NALCN: variants seen among roughly 807,000 people sequenced by gnomAD.
NALCN encodes the protein sodium leak channel, non-selective.
NALCN carries 111 observed loss-of-function variants against 225.3 expected under a neutral mutation model. The ratio of observed to expected loss-of-function variants is 0.49; its 90% CI spans 0.42 to 0.58. The LOEUF is 0.58. NALCN is among the 20% of genes least tolerant of loss of function. NALCN has a pLI of 0.00. For missense variants in NALCN, 1,378 were observed against 2,202.4 expected (o/e 0.63, Z 7.49); for synonymous variants, 764 against 769.0 (o/e 0.99, Z 0.11).
intron 17 of NALCN, among the ~76,000 whole-genome samples, chr13:101,134,186 A>C (rs1202521248): frequency 1.4e-5 from 2 of 144,156 alleles, no homozygotes; most frequent in Non-Finnish European, 3.2e-5. Context: ...ACAAACAAAC[A>C]AAAAAAAAGA....
intron 15 of NALCN, among the ~76,000 whole-genome samples, chr13:101,163,788 T>G (rs1270345252): frequency 6.6e-6 from 1 of 152,056 alleles, no homozygotes; most frequent in Non-Finnish European, 1.5e-5. Context: ...TCCAAAAAAC[T>G]GGGTGGCTGA....
intron 14 of NALCN, among the ~76,000 whole-genome samples, chr13:101,190,196 G>A (rs2039627127): frequency 6.6e-6 from 1 of 152,054 alleles, no homozygotes; most frequent in Admixed American, 6.6e-5. Context: ...AAACCATTTT[G>A]TTGCTTTATT....
intron 6 of NALCN, among the ~76,000 whole-genome samples, chr13:101,372,530 C>G (rs1050492477): frequency 6.6e-6 from 1 of 152,112 alleles, no homozygotes; most frequent in African/African-American, 2.4e-5. Flanking sequence ...TAAAATTATG[C>G]ACCCAAATAA....
intron 13 of NALCN, among the ~76,000 whole-genome samples, chr13:101,200,095 A>G (rs1446913768): frequency 2.0e-5 from 3 of 152,000 alleles, no homozygotes; most frequent in Non-Finnish European, 2.9e-5. Context: ...GATGACTTCC[A>G]CAGTTATATT....
At chr13:101,318,021 C>T (rs1287922352) in intron 7 of NALCN, among the ~76,000 whole-genome samples, 1 of 152,126 alleles carries the variant, frequency 6.6e-6, no homozygotes, top group African/African-American at 2.4e-5. Context: ...TACAGATATA[C>T]TTGCTCAACT....
At chr13:101,262,668 G>A (rs1594555057) in intron 10 of NALCN, among the ~76,000 whole-genome samples, 1 of 152,010 alleles carries the variant, frequency 6.6e-6, no homozygotes, top group Admixed American at 6.6e-5. Flanking sequence ...ACTAAAATGG[G>A]GTAAGAGAAC....
At position 101,080,610 on chromosome 13, in the gene NALCN, TAATC is replaced by T. The variant is rs201557438; in HGVS notation, c.3885+913_3885+916del. 1.5e-4 allele frequency among the ~76,000 whole-genome samples: 19 copies of T among 126,238 alleles called. No homozygotes were observed. In the South Asian group the frequency reaches 2.0e-3, roughly 13 times the overall value. The allele number at this position is 126,238 out of a possible 152,430, so 82.8% of individuals were successfully genotyped here. A position where few individuals can be genotyped will look rare whatever the true frequency, so the allele number is the denominator to read the frequency against. ...TTAAATAATTATTAAATTAATTATA[TAATC>T]AATTAAATTAATTATTTAATTAAAT... is the stretch of plus-strand genomic sequence containing the variant. On this transcript the variant is annotated intron_variant, in intron 34 of 43. Coordinates refer to ENST00000251127, the MANE Select transcript of NALCN (RefSeq NM_052867.4).
At chr13:101,154,135 C>T (rs2037788487) in intron 15 of NALCN, among the ~76,000 whole-genome samples, 1 of 152,178 alleles carries the variant, frequency 6.6e-6, no homozygotes, top group Non-Finnish European at 1.5e-5. Context: ...TTATTTAACC[C>T]TAAAAATTAG....
At chr13:101,372,610 A>G (rs2046571511) in intron 6 of NALCN, among the ~76,000 whole-genome samples, 1 of 152,178 alleles carries the variant, frequency 6.6e-6, no homozygotes, top group Non-Finnish European at 1.5e-5. Context: ...GAGAAATCAC[A>G]TATATTAGAA....
chr13:101,340,806 G>A (rs563478151), intron 7 of NALCN, among the ~76,000 whole-genome samples: 2 of 152,192 alleles, frequency 1.3e-5, no homozygotes, highest in South Asian at 4.2e-4. Context: ...AAAATATACT[G>A]TTTGTTACTT....
chr13:101,118,907 C>T (rs2139677529), intron 18 of NALCN, among the ~76,000 whole-genome samples: 1 of 152,294 alleles, frequency 6.6e-6, no homozygotes, highest in East Asian at 1.9e-4. Context: ...GGTACTCAGG[C>T]CCTCCCAGCA....
At chr13:101,355,972 G>C (rs2046046370) in intron 6 of NALCN, among the ~76,000 whole-genome samples, 1 of 152,096 alleles carries the variant, frequency 6.6e-6, no homozygotes, top group African/African-American at 2.4e-5. Context: ...TGAAGTTAAG[G>C]CACAAATCAA....
intron 40 of NALCN, among the ~76,000 whole-genome samples, chr13:101,065,081 A>T (rs997687323): frequency 5.3e-5 from 8 of 152,134 alleles, no homozygotes; most frequent in Admixed American, 5.2e-4. Flanking sequence ...CAGTTCCCGC[A>T]TCACAGGGAA....
intron 10 of NALCN, among the ~76,000 whole-genome samples, chr13:101,263,261 T>G (rs1348314724): frequency 6.6e-6 from 1 of 152,210 alleles, no homozygotes; most frequent in Non-Finnish European, 1.5e-5. Flanking sequence ...TCAACATGTT[T>G]ATATGCACAT....
chr13:101,394,322 T>C (rs1263966287), intron 3 of NALCN, among the ~76,000 whole-genome samples: 1 of 152,230 alleles, frequency 6.6e-6, no homozygotes, highest in Non-Finnish European at 1.5e-5. Flanking sequence ...TTATGTGTTA[T>C]ATATTGTCTC....
chr13:101,117,651 G>GT (rs1327816886), intron 18 of NALCN, among the ~76,000 whole-genome samples: 1 of 152,150 alleles, frequency 6.6e-6, no homozygotes, highest in Admixed American at 6.6e-5. Flanking sequence ...CTTTTACTCA[G>GT]TAACAGGCAT....
chr13:101,287,172 G>C (rs1392651391), intron 9 of NALCN, among the ~76,000 whole-genome samples: 1 of 152,144 alleles, frequency 6.6e-6, no homozygotes, highest in Non-Finnish European at 1.5e-5. Context: ...TGGTCAGATA[G>C]TATGTATGTT....
intron 30 of NALCN, among the ~76,000 whole-genome samples, chr13:101,084,745 A>G (rs921757453): frequency 6.6e-6 from 1 of 152,226 alleles, no homozygotes; most frequent in Admixed American, 6.5e-5. Context: ...TATGGACTAT[A>G]ACCAATGCTG....
At chr13:101,298,217 C>T (rs1456860848) in intron 7 of NALCN, among the ~76,000 whole-genome samples, 1 of 152,136 alleles carries the variant, frequency 6.6e-6, no homozygotes, top group Non-Finnish European at 1.5e-5. Flanking sequence ...TTCACATGTG[C>T]ATGATTAGAA....
Sources: gnomAD v4.1 joint callset for allele counts (sites outside exome capture counted in the v4.1 genomes callset) on GRCh38, gnomAD v4.1.1 for gene constraint, MANE v1.5 for transcripts, NCBI Gene and HGNC (gene_info 2026-07-23, HGNC 2026-07-21) for gene names.